ASAP1: variants seen among roughly 807,000 people sequenced by gnomAD.
The protein encoded by ASAP1 is ArfGAP with SH3 domain, ankyrin repeat and PH domain 1, also known as arf-GAP with SH3 domain, ANK repeat and PH domain-containing protein 1.
A neutral mutation model predicts 145.2 loss-of-function variants in ASAP1; 43 were observed. The ratio of observed to expected loss-of-function variants is 0.30; its 90% CI spans 0.23 to 0.38. The LOEUF (loss-of-function observed/expected upper bound fraction) is 0.38, where lower values mean the gene tolerates loss of function less well. Among genes scored for constraint, ASAP1 ranks in the 10% least tolerant of loss-of-function variants. The pLI is 1.00. For missense variants in ASAP1, 1,018 were observed against 1,355.3 expected (o/e 0.75, Z 3.91); for synonymous variants, 546 against 515.5 (o/e 1.06, Z -0.80).
At chr8:130,085,738 G>GAA (rs10690482) in intron 25 of ASAP1, among the ~76,000 whole-genome samples, 6 of 125,406 alleles carry the variant, frequency 4.8e-5, no homozygotes, top group Non-Finnish European at 6.9e-5. Flanking sequence ...TTGTCTTTAA[G>GAA]AAAAAAAAAA....
At chr8:130,286,597 C>A (rs1008944240) in intron 3 of ASAP1, among the ~76,000 whole-genome samples, 18 of 152,180 alleles carry the variant, frequency 1.2e-4, no homozygotes, top group South Asian at 2.1e-4. Flanking sequence ...GTGAGCTTTG[C>A]GGTGAGGGTT....
chr8:130,242,261 T>TAAACAAA (rs1554855669), intron 3 of ASAP1, among the ~76,000 whole-genome samples: 7 of 85,336 alleles, frequency 8.2e-5, no homozygotes, highest in African/African-American at 2.4e-4. Context: ...GTGATTTCCT[T>TAAACAAA]AAAAAAAAAA....
At chr8:130,375,550 G>T (rs1211994862) in intron 2 of ASAP1, among the ~76,000 whole-genome samples, 1 of 137,244 alleles carries the variant, frequency 7.3e-6, no homozygotes, top group African/African-American at 2.8e-5. Context: ...GGACTCTCGA[G>T]GGAAAAAAAA....
chr8:130,140,123 C>T (rs1464734108), intron 13 of ASAP1, among the ~76,000 whole-genome samples: 1 of 150,936 alleles, frequency 6.6e-6, no homozygotes, highest in African/African-American at 2.4e-5. Context: ...GTCTCAACCT[C>T]CTAGGCTCAA....
chr8:130,378,409 T>G (rs993038530), intron 2 of ASAP1, among the ~76,000 whole-genome samples: 1 of 152,202 alleles, frequency 6.6e-6, no homozygotes, highest in African/African-American at 2.4e-5. Context: ...AGCTGCCTCC[T>G]GAAGGAGGTT....
At chr8:130,418,724 T>C (rs1829592264) in intron 1 of ASAP1, among the ~76,000 whole-genome samples, 2 of 151,914 alleles carry the variant, frequency 1.3e-5, no homozygotes, top group African/African-American at 2.4e-5. Flanking sequence ...TCTGTTTATA[T>C]AGCTTTGCCT....
chr8:130,296,339 G>C (rs773479804), intron 3 of ASAP1, among the ~76,000 whole-genome samples: 13 of 152,176 alleles, frequency 8.5e-5, no homozygotes, highest in Non-Finnish European at 1.5e-4. Context: ...GTTCATGAGA[G>C]TCACCTCAGC....
intron 24 of ASAP1, among the ~76,000 whole-genome samples, chr8:130,094,007 C>G (rs1003939979): frequency 6.6e-6 from 1 of 152,166 alleles, no homozygotes; most frequent in East Asian, 1.9e-4. Context: ...TGTCCCATTG[C>G]GTAATTCTAT....
At chr8:130,347,478 T>C (rs1825764846) in intron 3 of ASAP1, among the ~76,000 whole-genome samples, 1 of 152,230 alleles carries the variant, frequency 6.6e-6, no homozygotes, top group African/African-American at 2.4e-5. Context: ...TCATTTACAT[T>C]TAACTGTCAT....
intron 9 of ASAP1, among the ~76,000 whole-genome samples, chr8:130,178,883 G>A (rs545484515): frequency 2.6e-5 from 4 of 150,980 alleles, no homozygotes; most frequent in East Asian, 3.9e-4. Context: ...GTGAGACTCC[G>A]TCTCAAAGGA....
chr8:130,125,864 A>T, intron 17 of ASAP1, 92 bp downstream of exon 17: 1 of 1,289,624 alleles, frequency 7.8e-7, no homozygotes, highest in Non-Finnish European at 1.1e-6. Flanking sequence ...AATTCTTTGT[A>T]CTCAGCAGAC....
intron 3 of ASAP1, among the ~76,000 whole-genome samples, chr8:130,238,626 T>C (rs1818351887): frequency 6.6e-6 from 1 of 152,156 alleles, no homozygotes; most frequent in African/African-American, 2.4e-5. Context: ...ATAAGATATA[T>C]ACACTTTCAA....
chr8:130,438,187 T>C (rs902704940), intron 1 of ASAP1, among the ~76,000 whole-genome samples: 4 of 152,146 alleles, frequency 2.6e-5, no homozygotes, highest in African/African-American at 7.2e-5. Context: ...CAGGAGCCCA[T>C]TTTCTCTAAA....
chr8:130,320,632 G>T (rs146063233), intron 3 of ASAP1, among the ~76,000 whole-genome samples: 1 of 58,804 alleles, frequency 1.7e-5, no homozygotes, highest in South Asian at 8.0e-4. Flanking sequence ...GCTGTATGAA[G>T]GAGGAAGAGT....
intron 4 of ASAP1, among the ~76,000 whole-genome samples, chr8:130,221,000 A>G (rs1383646024): frequency 6.6e-6 from 1 of 152,170 alleles, no homozygotes; most frequent in East Asian, 1.9e-4. Flanking sequence ...TGTGGGGATT[A>G]CAATTCAGAT....
At chr8:130,169,635 G>A (rs1376177809) in intron 9 of ASAP1, among the ~76,000 whole-genome samples, 1 of 152,184 alleles carries the variant, frequency 6.6e-6, no homozygotes, top group Non-Finnish European at 1.5e-5. Context: ...ACAACACATG[G>A]TTGCATGACT....
chr8:130,148,979 G>A (rs1382210081), intron 13 of ASAP1, among the ~76,000 whole-genome samples: 1 of 151,258 alleles, frequency 6.6e-6, no homozygotes, highest in Non-Finnish European at 1.5e-5. Context: ...TGGGAATACA[G>A]GTGTGCACCA....
intron 25 of ASAP1, among the ~76,000 whole-genome samples, chr8:130,088,955 G>A (rs2097499797): frequency 6.6e-6 from 1 of 152,220 alleles, no homozygotes; most frequent in African/African-American, 2.4e-5. Context: ...AGGCTATTGA[G>A]TAGTAGAGAT....
chr8:130,338,573 T>C (rs1481360064), intron 3 of ASAP1, among the ~76,000 whole-genome samples: 2 of 152,198 alleles, frequency 1.3e-5, no homozygotes, highest in East Asian at 1.9e-4. Context: ...TTAATGACTC[T>C]AGCTAGTCAT....
Sources: allele counts gnomAD v4.1 joint callset (sites outside exome capture counted in the v4.1 genomes callset), GRCh38; gene constraint gnomAD v4.1.1; transcripts MANE v1.5; gene names NCBI Gene and HGNC (gene_info 2026-07-23, HGNC 2026-07-21).